Variants in ADGRL3 observed in about 807,000 individuals in gnomAD.
ADGRL3 encodes adhesion G protein-coupled receptor L3.
In ADGRL3, 62 loss-of-function variants were observed where a neutral mutation model predicts 153.5. That is an observed-to-expected ratio of 0.40 (90% CI 0.33 to 0.50). The LOEUF (loss-of-function observed/expected upper bound fraction) is 0.50, where lower values mean the gene tolerates loss of function less well. Among genes scored for constraint, ADGRL3 ranks in the 20% least tolerant of loss-of-function variants. The probability of loss-of-function intolerance (pLI) is 0.47; values close to 1 mark genes in which losing one functional copy is unlikely to be tolerated. For missense variants in ADGRL3, 1,641 were observed against 1,859.4 expected, an observed-to-expected ratio of 0.88 and a Z score of 2.16; for synonymous variants, 710 against 672.5, an observed-to-expected ratio of 1.06 and a Z score of -0.86.
intron 5 of ADGRL3, among the ~76,000 whole-genome samples, chr4:61,601,832 T>C (rs1030569397): frequency 1.3e-5 from 2 of 152,170 alleles, no homozygotes; most frequent in African/African-American, 4.8e-5. Flanking sequence ...AGTGGGTAAG[T>C]GGAAGCACTA....
chr4:61,813,166 G>T (rs1409190703), intron 8 of ADGRL3, among the ~76,000 whole-genome samples: 1 of 152,080 alleles, frequency 6.6e-6, no homozygotes, highest in African/African-American at 2.4e-5. Flanking sequence ...AGGCCAAGGC[G>T]AGTGGATCAC....
intron 1 of ADGRL3, among the ~76,000 whole-genome samples, chr4:61,351,749 A>AAAAAAGAAAAAGAAAAAG (rs572531796): frequency 6.6e-6 from 1 of 151,970 alleles, no homozygotes. Context: ...GCTCAGAAAA[A>AAAAAAGAAAAAGAAAAAG]AAAAAGAAAA....
intron 1 of ADGRL3, among the ~76,000 whole-genome samples, chr4:61,213,767 T>C (rs1577872062): frequency 6.6e-6 from 1 of 152,206 alleles, no homozygotes; most frequent in Non-Finnish European, 1.5e-5. Flanking sequence ...ATTTAAACAT[T>C]TACTTATTCA....
intron 8 of ADGRL3, among the ~76,000 whole-genome samples, chr4:61,773,776 A>G (rs920230050): frequency 3.9e-5 from 6 of 152,174 alleles, no homozygotes; most frequent in Non-Finnish European, 8.8e-5. Context: ...ATGGATGCAC[A>G]TGGGAGAACT....
At chr4:61,389,986 T>C (rs2096783894) in intron 2 of ADGRL3, among the ~76,000 whole-genome samples, 1 of 152,176 alleles carries the variant, frequency 6.6e-6, no homozygotes, top group African/African-American at 2.4e-5. Flanking sequence ...AATAATACTT[T>C]TTTTCCCTCC....
rs571242391 is a variant in ADGRL3, at chr4:61,638,189, T to C, written c.474-38637T>C. On this transcript the variant is annotated intron_variant, in intron 5 of 26. Transcript: ENST00000683033. ...TAAACAAACTGGCATATTCCTACAATAGAAGATTGTTCACCAATAGAAAGG... is the reference window on the plus strand; with the variant it reads ...TAAACAAACTGGCATATTCCTACAACAGAAGATTGTTCACCAATAGAAAGG... 8.5e-5 allele frequency among the ~76,000 whole-genome samples: 13 copies of C among 152,216 alleles called. No individual in the cohort carries two copies. The South Asian group carries it at 2.7e-3, about 32-fold the overall frequency.
At chr4:61,355,439 A>G (rs1050977008) in intron 1 of ADGRL3, among the ~76,000 whole-genome samples, 2 of 151,960 alleles carry the variant, frequency 1.3e-5, no homozygotes, top group Non-Finnish European at 2.9e-5. Flanking sequence ...CTTCACGGAG[A>G]TAGTTGACTC....
intron 1 of ADGRL3, among the ~76,000 whole-genome samples, chr4:61,372,532 A>T (rs1477295658): frequency 2.6e-5 from 4 of 152,164 alleles, no homozygotes; most frequent in Non-Finnish European, 4.4e-5. Context: ...CCTACCAGTT[A>T]GGCTGCTCGG....
chr4:61,383,522 T>C (rs1236275381), intron 2 of ADGRL3, among the ~76,000 whole-genome samples: 2 of 151,942 alleles, frequency 1.3e-5, no homozygotes, highest in East Asian at 3.9e-4. Flanking sequence ...AAGGCACGTA[T>C]GTTTTATTAC....
chr4:61,879,313 C>G (rs2098495500), intron 9 of ADGRL3, among the ~76,000 whole-genome samples: 3 of 152,118 alleles, frequency 2.0e-5, no homozygotes, highest in Admixed American at 2.0e-4. Flanking sequence ...TTGTATATCC[C>G]TTATCTGAAA....
chr4:61,648,468 T>A (rs1019376813), intron 5 of ADGRL3, among the ~76,000 whole-genome samples: 1 of 151,570 alleles, frequency 6.6e-6, no homozygotes, highest in Admixed American at 6.6e-5. Context: ...AGTCCAGGAT[T>A]TATCTCTTTT....
At chr4:61,676,110 G>C (rs146980395) in intron 5 of ADGRL3, among the ~76,000 whole-genome samples, 1 of 151,734 alleles carries the variant, frequency 6.6e-6, no homozygotes. Context: ...TTATATTTAT[G>C]TTTTATTAGT....
chr4:61,782,978 G>A (rs902721837), intron 8 of ADGRL3, among the ~76,000 whole-genome samples: 1 of 152,096 alleles, frequency 6.6e-6, no homozygotes, highest in African/African-American at 2.4e-5. Context: ...TGTATCATAA[G>A]CCTCCTTAAG....
In ADGRL3 at chr4:61,892,773, G is replaced by A. The variant is rs35106420; in HGVS notation, c.1598G>A (p.Arg533Gln). The change falls in exon 10 of 27, where the codon CGG becomes CAG. Residue 533 changes from arginine to glutamine, a missense_variant. Arg to Gln is a conservative substitution (Grantham distance 43, BLOSUM62 1). Coordinates refer to ENST00000683033, the MANE Select transcript of ADGRL3 (RefSeq NM_001387552.1). ...TTPSVSGRRN[R>Q]STSTPSPAVE... ...CCGTCAGTGTCAGGAAGAAGAAACC[G>A]GAGTACTAGTACCCCATCTCCAGCT... 21,481 of 1,613,802 alleles carry A rather than the reference G, an allele frequency of 0.013. 194 individuals carry two copies. Among genetic ancestry groups the A allele is most frequent in the Non-Finnish European group, 0.016 (18,811 of 1,179,816 alleles).
At chr4:61,216,728 G>A (rs910683627) in intron 1 of ADGRL3, among the ~76,000 whole-genome samples, 3 of 152,064 alleles carry the variant, frequency 2.0e-5, no homozygotes, top group African/African-American at 4.8e-5. Flanking sequence ...CAAAGGAGTC[G>A]TAAAAGCATG....
chr4:61,354,383 G>A (rs761822695), intron 1 of ADGRL3, among the ~76,000 whole-genome samples: 93 of 152,082 alleles, frequency 6.1e-4, no homozygotes, highest in Middle Eastern at 3.4e-3. Flanking sequence ...ATGGACATCC[G>A]CATATATAAA....
intron 1 of ADGRL3, among the ~76,000 whole-genome samples, chr4:61,275,377 G>A (rs2093410355): frequency 6.6e-6 from 1 of 152,118 alleles, no homozygotes; most frequent in African/African-American, 2.4e-5. Context: ...TTTAATGATA[G>A]CTAAATCTCC....
intron 2 of ADGRL3, among the ~76,000 whole-genome samples, chr4:61,471,840 G>T (rs551253038): frequency 4.1e-4 from 62 of 152,018 alleles, no homozygotes; most frequent in African/African-American, 1.3e-3. Context: ...TTTTTTGTAA[G>T]ATTTGGATAC....
intron 2 of ADGRL3, among the ~76,000 whole-genome samples, chr4:61,390,301 C>A (rs2096787384): frequency 6.6e-6 from 1 of 152,102 alleles, no homozygotes; most frequent in Non-Finnish European, 1.5e-5. Flanking sequence ...CTTGTCTTGA[C>A]CAGACCTTAG....
Sources: gnomAD v4.1 joint callset for allele counts (sites outside exome capture counted in the v4.1 genomes callset) on GRCh38, gnomAD v4.1.1 for gene constraint, MANE v1.5 for transcripts, NCBI Gene and HGNC (gene_info 2026-07-23, HGNC 2026-07-21) for gene names.